KIAA0825: variants seen among roughly 807,000 people sequenced by gnomAD.
The protein encoded by KIAA0825 is KIAA0825, also known as uncharacterized protein KIAA0825.
In KIAA0825, 119 loss-of-function variants were observed where a neutral mutation model predicts 147.6. The ratio of observed to expected loss-of-function variants is 0.81; its 90% CI spans 0.69 to 0.94. The LOEUF (loss-of-function observed/expected upper bound fraction) is 0.94. KIAA0825 is among the 40% of genes least tolerant of loss of function. KIAA0825 has a pLI of 0.00. For missense variants in KIAA0825, 1,381 were observed against 1,472.7 expected (o/e 0.94, Z 1.02); for synonymous variants, 470 against 518.1 (o/e 0.91, Z 1.26).
intron 20 of KIAA0825, among the ~76,000 whole-genome samples, chr5:94,230,898 T>C (rs543507916): frequency 2.6e-5 from 4 of 152,264 alleles, no homozygotes; most frequent in Admixed American, 6.5e-5. Flanking sequence ...TTTTACTCTT[T>C]CTGGGATTAG....
At chr5:94,187,638 G>A (rs571393708) in intron 20 of KIAA0825, among the ~76,000 whole-genome samples, 2 of 151,920 alleles carry the variant, frequency 1.3e-5, no homozygotes, top group Admixed American at 6.6e-5. Context: ...TGTTAGCCAG[G>A]ATGGTCTTGA....
At chr5:94,422,058 C>T (rs1468726540) in intron 14 of KIAA0825, among the ~76,000 whole-genome samples, 1 of 152,082 alleles carries the variant, frequency 6.6e-6, no homozygotes, top group Non-Finnish European at 1.5e-5. Flanking sequence ...TAGTTTAATT[C>T]TTTTAACCTG....
At chr5:94,217,723 G>A (rs1773325951) in intron 20 of KIAA0825, among the ~76,000 whole-genome samples, 1 of 152,124 alleles carries the variant, frequency 6.6e-6, no homozygotes, top group South Asian at 2.1e-4. Context: ...TTTTTAAAAA[G>A]GGACACACAA....
intron 20 of KIAA0825, among the ~76,000 whole-genome samples, chr5:94,256,320 G>T (rs1447328099): frequency 6.6e-6 from 1 of 151,948 alleles, no homozygotes; most frequent in Non-Finnish European, 1.5e-5. Flanking sequence ...CTGGTATTGG[G>T]GTTCCTCAAA....
At position 94,403,564 on chromosome 5, in the gene KIAA0825, C is replaced by G. The variant is rs1751670084; in HGVS notation, c.2887+5G>C. ...ATTTTCTTAAAGAGAAACAAGTGTA[C>G]TTACTTTTGCATGATTCTTTCCTGT... is the stretch of plus-strand genomic sequence containing the variant. On this transcript the variant is annotated splice_donor_5th_base_variant and intron_variant, in intron 16 of 20. Transcript: ENST00000682413. 1 of 1,549,074 alleles carries G rather than the reference C, an allele frequency of 6.5e-7. No homozygotes were observed. Among genetic ancestry groups the G allele is most frequent in the Non-Finnish European group, 8.7e-7 (1 of 1,145,222 alleles).
At position 94,167,894 on chromosome 5, in the gene KIAA0825, CCCA is replaced by C. The variant is rs1768201070; in HGVS notation, c.3711-13773_3711-13771del. On this transcript the variant is annotated intron_variant, in intron 20 of 20. Transcript: ENST00000682413. The stretch of plus-strand genomic sequence containing the variant: ...TAGGCAGAGTAAGTTATTCCCACTC[CCCA>C]CAATTTATTTTGACCTAATTGAATG... Among the ~76,000 whole-genome samples the C allele has an allele frequency of 2.0e-5, 3 of 151,528 alleles. No individual in the cohort carries two copies. In the South Asian group the frequency reaches 6.2e-4, roughly 32 times the overall value.
At chr5:94,440,440 C>T (rs1393018257) in intron 13 of KIAA0825, among the ~76,000 whole-genome samples, 1 of 152,100 alleles carries the variant, frequency 6.6e-6, no homozygotes, top group Non-Finnish European at 1.5e-5. Flanking sequence ...TTTTTGAATG[C>T]ATTCATTTGT....
chr5:94,294,618 C>G (rs529288493), intron 20 of KIAA0825, among the ~76,000 whole-genome samples: 2 of 152,176 alleles, frequency 1.3e-5, no homozygotes, highest in Non-Finnish European at 2.9e-5. Context: ...CCCAGATACT[C>G]AGGAGGCTGA....
chr5:94,494,947 A>C (rs531085672), intron 5 of KIAA0825, among the ~76,000 whole-genome samples: 3 of 152,332 alleles, frequency 2.0e-5, no homozygotes, highest in Admixed American at 6.5e-5. Context: ...CCATCATCAA[A>C]AAGATGGATT....
At chr5:94,548,713 G>A (rs1774944105) in intron 2 of KIAA0825, among the ~76,000 whole-genome samples, 1 of 152,062 alleles carries the variant, frequency 6.6e-6, no homozygotes, top group Non-Finnish European at 1.5e-5. Context: ...AAAACCGAGG[G>A]ATGGAGAAAG....
Position 94,419,631 on chromosome 5 carries a change from T to C in KIAA0825, c.2498-2266A>G, listed in dbSNP as rs150236890. ...CATCATGATTTAATCAATAAGTTGA[T>C]TGATTAATCAACTGCTTCCTATGTG... On this transcript the variant is annotated intron_variant, in intron 14 of 20. Coordinates refer to ENST00000682413, the MANE Select transcript of KIAA0825 (RefSeq NM_001145678.3). 2.2e-4 allele frequency among the ~76,000 whole-genome samples: 33 copies of C among 152,328 alleles called. No homozygotes were observed. In the East Asian group the frequency reaches 6.2e-3, roughly 28 times the overall value.
At chr5:94,386,874 G>A (rs1024689290) in intron 18 of KIAA0825, among the ~76,000 whole-genome samples, 1 of 152,134 alleles carries the variant, frequency 6.6e-6, no homozygotes, top group Non-Finnish European at 1.5e-5. Flanking sequence ...ATTCAATGCA[G>A]AATTAATTAT....
rs563316235 is a variant in KIAA0825, at chr5:94,453,339, ATTTTTTT to A, written c.2247-277_2247-271del. On this transcript the variant is annotated intron_variant, in intron 12 of 20. Transcript: ENST00000682413. ...AGGCATATGCTGCCACGTGTGGCTGATTTTTTTTTTTTTTTTTTTTGTATTTTAGTAG... is the reference window on the plus strand; with the variant it reads ...AGGCATATGCTGCCACGTGTGGCTGATTTTTTTTTTTTTGTATTTTAGTAG... 6.4e-3 allele frequency among the ~76,000 whole-genome samples: 753 copies of A among 118,220 alleles called. 12 individuals carry two copies. The Middle Eastern group carries it at 0.074, about 12-fold the overall frequency. 77.6% of individuals were successfully genotyped at this position (118,220 alleles called of 152,430 possible).
chr5:94,330,163 T>C (rs1226294858), intron 20 of KIAA0825, among the ~76,000 whole-genome samples: 1 of 151,968 alleles, frequency 6.6e-6, no homozygotes, highest in East Asian at 1.9e-4. Flanking sequence ...AAAGGTGAAA[T>C]GGACATAGAA....
chr5:94,410,704 TA>T (rs1348687088), intron 15 of KIAA0825, among the ~76,000 whole-genome samples: 1 of 152,112 alleles, frequency 6.6e-6, no homozygotes, highest in Admixed American at 6.6e-5. Flanking sequence ...TTTACAGTGC[TA>T]AAGGAAAAAC....
chr5:94,433,507 T>C (rs1008333603), intron 14 of KIAA0825, among the ~76,000 whole-genome samples: 5 of 152,232 alleles, frequency 3.3e-5, no homozygotes, highest in African/African-American at 9.6e-5. Context: ...TTGTGCAATA[T>C]TGCTATTTGG....
chr5:94,353,403 C>A (rs995821415), intron 20 of KIAA0825, among the ~76,000 whole-genome samples: 1 of 152,086 alleles, frequency 6.6e-6, no homozygotes, highest in African/African-American at 2.4e-5. Flanking sequence ...ATTCATGATA[C>A]CTTTTTACTG....
chr5:94,426,531 G>A (rs1387558060), intron 14 of KIAA0825, among the ~76,000 whole-genome samples: 1 of 152,128 alleles, frequency 6.6e-6, no homozygotes, highest in Non-Finnish European at 1.5e-5. Context: ...AGAATAAACC[G>A]ATAGAAACCA....
At chr5:94,513,952 T>G (rs541304466) in intron 5 of KIAA0825, among the ~76,000 whole-genome samples, 23 of 152,276 alleles carry the variant, frequency 1.5e-4, no homozygotes, top group African/African-American at 5.5e-4. Flanking sequence ...AATCTTAATT[T>G]TGCAGCTAAC....
Sources: allele counts gnomAD v4.1 joint callset (sites outside exome capture counted in the v4.1 genomes callset), GRCh38; gene constraint gnomAD v4.1.1; transcripts MANE v1.5; gene names NCBI Gene and HGNC (gene_info 2026-07-23, HGNC 2026-07-21).